CADM2: variants seen among roughly 807,000 people sequenced by gnomAD.
CADM2 encodes the protein cell adhesion molecule 2.
CADM2 carries 12 observed loss-of-function variants against 49.8 expected under a neutral mutation model. That is an observed-to-expected ratio of 0.24 (90% confidence interval 0.15 to 0.39). CADM2 has a LOEUF of 0.39. CADM2 is among the 10% of genes least tolerant of loss of function. The pLI is 1.00. For synonymous variants in CADM2, 214 were observed against 175.4 expected, an observed-to-expected ratio of 1.22 and a Z score of -1.74; for missense variants, 378 against 492.3, an observed-to-expected ratio of 0.77 and a Z score of 2.20.
chr3:86,013,926 G>A (rs975214469), intron 8 of CADM2: 55 of 1,586,028 alleles, frequency 3.5e-5, no homozygotes, highest in Middle Eastern at 4.6e-4. Flanking sequence ...AACTTCCTGT[G>A]CCTTAAATAT....
chr3:85,908,464 G>A (rs1717106572), intron 5 of CADM2, among the ~76,000 whole-genome samples: 1 of 151,508 alleles, frequency 6.6e-6, no homozygotes, highest in Non-Finnish European at 1.5e-5. Context: ...CTAATAGAAA[G>A]TCCTTTATCT....
intron 1 of CADM2, among the ~76,000 whole-genome samples, chr3:85,203,029 C>T (rs533250289): frequency 3.3e-5 from 5 of 152,244 alleles, no homozygotes; most frequent in South Asian, 2.1e-4. Flanking sequence ...AAGGGAGTTA[C>T]GGCCTTGCTC....
At chr3:85,860,791 A>C (rs1355871525) in intron 3 of CADM2, among the ~76,000 whole-genome samples, 3 of 152,170 alleles carry the variant, frequency 2.0e-5, no homozygotes, top group African/African-American at 4.8e-5. Flanking sequence ...GGGGGACACA[A>C]ACATTCAGAC....
chr3:85,424,388 T>C (rs74448810), intron 1 of CADM2, among the ~76,000 whole-genome samples: 4,750 of 151,864 alleles, frequency 0.031, 190 homozygotes, highest in East Asian at 0.16. Flanking sequence ...CAAAGAAATA[T>C]AAACTATTGT....
At chr3:85,002,390 A>T (rs1435652019) in intron 1 of CADM2, among the ~76,000 whole-genome samples, 1 of 152,040 alleles carries the variant, frequency 6.6e-6, no homozygotes, top group Non-Finnish European at 1.5e-5. Context: ...AATTTTCTAC[A>T]TCCTTAGTTT....
chr3:85,029,505 A>T (rs2107319560), intron 1 of CADM2, among the ~76,000 whole-genome samples: 1 of 152,336 alleles, frequency 6.6e-6, no homozygotes, highest in South Asian at 2.1e-4. Flanking sequence ...TAAGTTTCAC[A>T]AAGCAAAAAA....
At chr3:85,041,515 G>A (rs1219363918) in intron 1 of CADM2, among the ~76,000 whole-genome samples, 1 of 152,108 alleles carries the variant, frequency 6.6e-6, no homozygotes, top group African/African-American at 2.4e-5. Flanking sequence ...TATCTTTCAT[G>A]CTCTTAAATC....
intron 1 of CADM2, among the ~76,000 whole-genome samples, chr3:85,194,977 A>G (rs1480127958): frequency 6.6e-6 from 1 of 152,026 alleles, no homozygotes; most frequent in Non-Finnish European, 1.5e-5. Flanking sequence ...TGAGTGGCTA[A>G]GACTACAGGT....
At chr3:85,592,488 T>A (rs2063133802) in intron 1 of CADM2, among the ~76,000 whole-genome samples, 1 of 151,938 alleles carries the variant, frequency 6.6e-6, no homozygotes, top group Admixed American at 6.6e-5. Flanking sequence ...ACAGACTTAG[T>A]AACTGAACAG....
intron 1 of CADM2, among the ~76,000 whole-genome samples, chr3:85,316,830 T>A (rs949170465): frequency 6.6e-6 from 1 of 152,072 alleles, no homozygotes; most frequent in Non-Finnish European, 1.5e-5. Context: ...AGCGCGTACA[T>A]GCAGCTAATC....
chr3:85,151,549 C>A (rs1040672986), intron 1 of CADM2, among the ~76,000 whole-genome samples: 11 of 152,174 alleles, frequency 7.2e-5, no homozygotes, highest in African/African-American at 2.7e-4. Context: ...CAATATATTG[C>A]CTTAGAGCAG....
intron 1 of CADM2, 181 bp from the exon 2 acceptor site, chr3:85,726,341 C>A: frequency 1.6e-6 from 1 of 626,792 alleles, no homozygotes; most frequent in Non-Finnish European, 2.8e-6. Context: ...ACTCAAGGAT[C>A]TTACTCATAA....
intron 1 of CADM2, among the ~76,000 whole-genome samples, chr3:85,521,051 G>A (rs1483209184): frequency 6.6e-6 from 1 of 152,022 alleles, no homozygotes; most frequent in South Asian, 2.1e-4. Flanking sequence ...GATTTCCTAT[G>A]TAAACTCATA....
In CADM2 at chr3:85,541,765, A is replaced by ATT. The variant is rs755727450; in HGVS notation, c.62-184754_62-184753dup. 2.2e-4 allele frequency among the ~76,000 whole-genome samples: 17 copies of ATT among 78,344 alleles called. 2 individuals carry two copies. Among genetic ancestry groups the ATT allele is most frequent in the African/African-American group, 1.1e-3 (17 of 15,626 alleles). 51.4% of individuals were successfully genotyped at this position (78,344 alleles called of 152,430 possible). A position where few individuals can be genotyped will look rare whatever the true frequency, so the allele number is the denominator to read the frequency against. On this transcript the variant is annotated intron_variant, in intron 1 of 9. Coordinates refer to ENST00000383699, the MANE Select transcript of CADM2 (RefSeq NM_001167675.2). ...TATATTTTATATATTTTATATATATATTTTATATTTTATATATATATATAT... is the reference window on the plus strand; with the variant it reads ...TATATTTTATATATTTTATATATATATTTTTTATATTTTATATATATATATAT...
intron 1 of CADM2, among the ~76,000 whole-genome samples, chr3:85,497,776 A>C (rs2039963509): frequency 6.6e-6 from 1 of 152,272 alleles, no homozygotes; most frequent in Non-Finnish European, 1.5e-5. Flanking sequence ...TAGAGTAGCC[A>C]AGATAATTGG....
intron 1 of CADM2, among the ~76,000 whole-genome samples, chr3:84,963,045 T>C (rs2030686522): frequency 6.6e-6 from 1 of 152,304 alleles, no homozygotes; most frequent in Middle Eastern, 3.4e-3. Flanking sequence ...ATCGTGTCTT[T>C]AGGAAATGAA....
At chr3:85,467,945 G>A (rs181557836) in intron 1 of CADM2, among the ~76,000 whole-genome samples, 7 of 151,938 alleles carry the variant, frequency 4.6e-5, no homozygotes, top group Admixed American at 4.6e-4. Flanking sequence ...ACGAGGTCAG[G>A]AGATCGAGAC....
At chr3:85,951,968 G>A (rs1723479218) in intron 7 of CADM2, among the ~76,000 whole-genome samples, 1 of 150,830 alleles carries the variant, frequency 6.6e-6, no homozygotes, top group African/African-American at 2.4e-5. Context: ...AACGGGAGAG[G>A]GCCATTAAAG....
intron 3 of CADM2, among the ~76,000 whole-genome samples, chr3:85,844,293 C>T (rs1269083204): frequency 6.6e-6 from 1 of 151,838 alleles, no homozygotes; most frequent in African/African-American, 2.4e-5. Context: ...TTAGAGTTCT[C>T]TATATTTTAC....
Sources: allele counts gnomAD v4.1 joint callset (sites outside exome capture counted in the v4.1 genomes callset), GRCh38; gene constraint gnomAD v4.1.1; transcripts MANE v1.5; gene names NCBI Gene and HGNC (gene_info 2026-07-23, HGNC 2026-07-21).